UNC79: variants seen among roughly 807,000 people sequenced by gnomAD.
UNC79 encodes the protein protein unc-79 homolog.
Under a neutral mutation model 283.1 loss-of-function variants are expected in UNC79, and 37 were observed. The ratio of observed to expected loss-of-function variants is 0.13; its 90% CI spans 0.10 to 0.17. The LOEUF (loss-of-function observed/expected upper bound fraction) is 0.17. Among genes scored for constraint, UNC79 ranks in the 10% least tolerant of loss-of-function variants. UNC79 has a pLI of 1.00. For synonymous variants in UNC79, 1,107 were observed against 1,200.2 expected, an observed-to-expected ratio of 0.92 and a Z score of 1.61; for missense variants, 2,272 against 3,211.1, an observed-to-expected ratio of 0.71 and a Z score of 7.07.
chr14:93,561,491 G>T (rs913745909), intron 14 of UNC79, among the ~76,000 whole-genome samples: 6 of 152,070 alleles, frequency 3.9e-5, no homozygotes, highest in African/African-American at 1.2e-4. Context: ...TTCCCAGCCT[G>T]TATATAAGAC....
At chr14:93,532,506 G>T in intron 10 of UNC79, 44 bp from the exon 11 acceptor site, 4 of 1,590,962 alleles carry the variant, frequency 2.5e-6, no homozygotes. Context: ...AAATTAGAGG[G>T]GCTCTCTTTC....
chr14:93,503,962 G>A (rs1410186205), intron 7 of UNC79, among the ~76,000 whole-genome samples: 8 of 151,604 alleles, frequency 5.3e-5, no homozygotes, highest in South Asian at 2.1e-4. Context: ...ATGAGGTAAC[G>A]GCCAATCTCT....
chr14:93,395,329 GA>G (rs1337390490), intron 1 of UNC79, among the ~76,000 whole-genome samples: 2 of 152,182 alleles, frequency 1.3e-5, no homozygotes, highest in African/African-American at 4.8e-5. Context: ...AATTTATGAA[GA>G]AAAGAAGTTT....
At chr14:93,685,545 G>GT (rs1467668701) in intron 42 of UNC79, among the ~76,000 whole-genome samples, 1 of 152,184 alleles carries the variant, frequency 6.6e-6, no homozygotes, top group Non-Finnish European at 1.5e-5. Flanking sequence ...ACTGACAAGC[G>GT]TAACATTCTA....
intron 1 of UNC79, among the ~76,000 whole-genome samples, chr14:93,434,944 A>C (rs2056026428): frequency 6.6e-6 from 1 of 152,252 alleles, no homozygotes; most frequent in Non-Finnish European, 1.5e-5. Context: ...TTTTGATTAC[A>C]TCAAAGATAA....
intron 26 of UNC79, among the ~76,000 whole-genome samples, chr14:93,611,992 T>C (rs1446921867): frequency 6.6e-6 from 1 of 152,218 alleles, no homozygotes; most frequent in Non-Finnish European, 1.5e-5. Context: ...CTTCTGACTT[T>C]GAAAAATAAC....
At chr14:93,673,743 G>A (rs1411624989) in intron 41 of UNC79, among the ~76,000 whole-genome samples, 1 of 152,134 alleles carries the variant, frequency 6.6e-6, no homozygotes, top group Admixed American at 6.5e-5. Context: ...GCGTGATCCA[G>A]TAGGTTAGAG....
chr14:93,523,944 G>T (rs766315477), intron 7 of UNC79, 34 bp from the exon 8 acceptor site: 1 of 1,604,138 alleles, frequency 6.2e-7, no homozygotes, highest in Non-Finnish European at 8.5e-7. Context: ...TAATTTCAAT[G>T]AGAAGTATTC....
At chr14:93,677,953 C>T (rs1239280529) in intron 41 of UNC79, among the ~76,000 whole-genome samples, 1 of 152,048 alleles carries the variant, frequency 6.6e-6, no homozygotes, top group Non-Finnish European at 1.5e-5. Flanking sequence ...TGGCCTAGTG[C>T]CTCTTTCTAG....
chr14:93,672,649 C>T (rs143774203), intron 40 of UNC79, among the ~76,000 whole-genome samples: 1 of 152,206 alleles, frequency 6.6e-6, no homozygotes, highest in East Asian at 1.9e-4. Flanking sequence ...TTTCAAAATA[C>T]TATAAGTGAG....
At chr14:93,432,967 A>T (rs7156520) in intron 1 of UNC79, among the ~76,000 whole-genome samples, 2,053 of 152,300 alleles carry the variant, frequency 0.013, 52 homozygotes, top group African/African-American at 0.047. Flanking sequence ...AATAAAATCT[A>T]TCTATGGACT....
intron 41 of UNC79, among the ~76,000 whole-genome samples, chr14:93,678,446 CAGT>C (rs1348426166): frequency 1.3e-5 from 2 of 152,180 alleles, no homozygotes; most frequent in Admixed American, 6.5e-5. Context: ...TAATTAATAA[CAGT>C]AGATAGATGA....
rs868431016 is a variant in UNC79 at position 93,660,567 on chromosome 14, G to A, written c.6525+1306G>A. On this transcript the variant is annotated intron_variant, in intron 39 of 48. Coordinates refer to ENST00000555664, the Ensembl canonical transcript of UNC79. ...TATATATATATATATATATATATGT[G>A]TGTGTGTGTGTGTTCATTTTATTTT... Among the ~76,000 whole-genome samples, 932 of 101,192 alleles carry A rather than the reference G, an allele frequency of 9.2e-3. 11 individuals are homozygous for A. Among genetic ancestry groups the A allele is most frequent in the African/African-American group, 0.035 (695 of 19,816 alleles). 66.4% of individuals were successfully genotyped at this position (101,192 alleles called of 152,430 possible).
intron 14 of UNC79, among the ~76,000 whole-genome samples, chr14:93,564,778 A>G (rs1253470640): frequency 6.6e-6 from 1 of 152,092 alleles, no homozygotes; most frequent in African/African-American, 2.4e-5. Context: ...TGGGGGTCAC[A>G]AGGTGCTCAG....
At chr14:93,538,859 T>C (rs2061226103) in intron 12 of UNC79, among the ~76,000 whole-genome samples, 6 of 151,738 alleles carry the variant, frequency 4.0e-5, no homozygotes, top group Admixed American at 3.9e-4. Flanking sequence ...TCTCTTTTTG[T>C]CTGATACTCA....
chr14:93,566,827 A>C (rs554403271), intron 14 of UNC79, among the ~76,000 whole-genome samples: 32 of 152,034 alleles, frequency 2.1e-4, no homozygotes, highest in Non-Finnish European at 7.4e-5. Context: ...CCATGTTGGC[A>C]AGGATGGTCT....
At chr14:93,351,646 G>A (rs75326214) in intron 1 of UNC79, among the ~76,000 whole-genome samples, 11,331 of 151,800 alleles carry the variant, frequency 0.075, 888 homozygotes, top group African/African-American at 0.2. Context: ...GATGTTCTCC[G>A]TAGAAACAGA....
chr14:93,483,212 C>T (rs976118738), intron 4 of UNC79, among the ~76,000 whole-genome samples: 6 of 152,162 alleles, frequency 3.9e-5, no homozygotes, highest in Non-Finnish European at 7.3e-5. Context: ...TCTTTATTCC[C>T]TTGCACTGCT....
chr14:93,464,135 C>CG (rs1755502698), intron 1 of UNC79, among the ~76,000 whole-genome samples: 1 of 152,098 alleles, frequency 6.6e-6, no homozygotes, highest in South Asian at 2.1e-4. Context: ...GGTGACAGAG[C>CG]GAGACTCCAT....
Sources: allele counts gnomAD v4.1 joint callset (sites outside exome capture counted in the v4.1 genomes callset), GRCh38; gene constraint gnomAD v4.1.1; transcripts MANE v1.5; gene names NCBI Gene and HGNC (gene_info 2026-07-23, HGNC 2026-07-21).